Variants in ZEB1 observed in about 807,000 individuals in gnomAD.
ZEB1 encodes zinc finger E-box-binding homeobox 1.
ZEB1 carries 21 observed loss-of-function variants against 84.9 expected under a neutral mutation model. That is an observed-to-expected ratio of 0.25 (90% CI 0.18 to 0.36). The LOEUF is 0.36. Ranked by LOEUF, ZEB1 falls within the 10% of genes least tolerant of loss-of-function variation. The pLI, the probability that ZEB1 is intolerant of heterozygous loss-of-function variation, is 1.00. For missense variants in ZEB1, 1,104 were observed against 1,330.2 expected (o/e 0.83, Z 2.65); for synonymous variants, 420 against 471.1 (o/e 0.89, Z 1.41).
rs79540979 is a variant in ZEB1, at chr10:31,347,996, C to T, written c.58+28704C>T. Among the ~76,000 whole-genome samples, 846 of 152,310 alleles carry T rather than the reference C, an allele frequency of 5.6e-3. 12 individuals carry two copies. The highest frequency in any genetic ancestry group is 0.02 in the African/African-American group (811 of 41,556). On this transcript the variant is annotated intron_variant, in intron 1 of 8. Coordinates refer to ENST00000424869, the MANE Select transcript of ZEB1 (RefSeq NM_001174096.2). ...CTGGAAACATGTTCTTTAATCTTTG[C>T]TGTGCCACATACTAGTTGTAGATAT...
intron 1 of ZEB1, among the ~76,000 whole-genome samples, chr10:31,407,514 G>GT (rs1269737386): frequency 1.3e-5 from 2 of 151,762 alleles, no homozygotes; most frequent in Non-Finnish European, 2.9e-5. Flanking sequence ...ATTTGGGTTG[G>GT]TTCCAAGTCT....
intron 1 of ZEB1, among the ~76,000 whole-genome samples, chr10:31,326,370 A>G (rs1564467066): frequency 6.6e-6 from 1 of 152,158 alleles, no homozygotes; most frequent in Non-Finnish European, 1.5e-5. Flanking sequence ...TCCTATTGCT[A>G]CATCACTTTT....
chr10:31,440,967 A>G (rs910814705), intron 1 of ZEB1, among the ~76,000 whole-genome samples: 7 of 152,174 alleles, frequency 4.6e-5, no homozygotes, highest in African/African-American at 1.7e-4. Flanking sequence ...ATATCGTGAA[A>G]ATGGCCATAC....
chr10:31,342,583 C>T (rs565870878), intron 1 of ZEB1, among the ~76,000 whole-genome samples: 6 of 152,104 alleles, frequency 3.9e-5, no homozygotes, highest in Non-Finnish European at 7.4e-5. Flanking sequence ...TAAGGTTATA[C>T]TAGAAGTTTG....
At chr10:31,466,349 A>G (rs1258396758) in intron 2 of ZEB1, among the ~76,000 whole-genome samples, 1 of 152,236 alleles carries the variant, frequency 6.6e-6, no homozygotes, top group Non-Finnish European at 1.5e-5. Context: ...TCTCCAGGAC[A>G]GATTATTTGT....
rs765964382 is a variant in ZEB1, at chr10:31,526,780, A to G, written c.2894A>G (p.Lys965Arg). Residue 965 changes from lysine (K) to arginine (R), a missense_variant, in exon 9 of 9, where the codon AAA (lysine) becomes AGA (arginine). By Grantham distance (26) the Lys-to-Arg change is conservative. Coordinates refer to ENST00000424869, the MANE Select transcript of ZEB1 (RefSeq NM_001174096.2). ...HSGEKPYQCDKCGKRFSHSGS... is the reference protein window; with the variant it reads ...HSGEKPYQCDRCGKRFSHSGS... ...GGAGAAAAGCCCTATCAATGTGACA[A>G]ATGTGGAAAGCGCTTCTCACACTCT... 22 of 1,613,988 alleles carry G rather than the reference A, an allele frequency of 1.4e-5. No individual in the cohort carries two copies. Among genetic ancestry groups the G allele is most frequent in the Admixed American group, 5.0e-5 (3 of 59,990 alleles).
At chr10:31,446,922 A>C (rs1240234240) in intron 1 of ZEB1, among the ~76,000 whole-genome samples, 2 of 152,132 alleles carry the variant, frequency 1.3e-5, no homozygotes, top group Non-Finnish European at 2.9e-5. Flanking sequence ...GTAGATGTCT[A>C]TTAGGTCTGC....
chr10:31,503,424 TA>T (rs979044631), intron 4 of ZEB1, among the ~76,000 whole-genome samples: 4 of 152,142 alleles, frequency 2.6e-5, no homozygotes, highest in African/African-American at 9.6e-5. Flanking sequence ...TCCCTTTTTA[TA>T]ACCAAATAGT....
intron 1 of ZEB1, among the ~76,000 whole-genome samples, chr10:31,362,286 G>T (rs2043337793): frequency 6.6e-6 from 1 of 150,520 alleles, no homozygotes. Context: ...CCAGATAGTG[G>T]GCGGCTGGGC....
At chr10:31,424,295 A>G (rs950479105) in intron 1 of ZEB1, among the ~76,000 whole-genome samples, 9 of 152,020 alleles carry the variant, frequency 5.9e-5, no homozygotes, top group Non-Finnish European at 1.2e-4. Context: ...TGTTCCAGCT[A>G]GATCAACAAA....
At chr10:31,390,993 C>A (rs2049565355) in intron 1 of ZEB1, among the ~76,000 whole-genome samples, 1 of 152,146 alleles carries the variant, frequency 6.6e-6, no homozygotes, top group Non-Finnish European at 1.5e-5. Context: ...CATTGCACCA[C>A]CTCTCTCCAG....
chr10:31,475,383 T>A (rs963454775), intron 2 of ZEB1, among the ~76,000 whole-genome samples: 1 of 152,142 alleles, frequency 6.6e-6, no homozygotes, highest in Admixed American at 6.5e-5. Flanking sequence ...TTTGAGGGGA[T>A]AATTTAGGAA....
chr10:31,380,744 C>T (rs1299418275), intron 1 of ZEB1, among the ~76,000 whole-genome samples: 2 of 152,080 alleles, frequency 1.3e-5, no homozygotes, highest in African/African-American at 4.8e-5. Flanking sequence ...CTGTTAATAC[C>T]TAGTGTAACA....
chr10:31,459,324 G>A (rs752230561), intron 1 of ZEB1, among the ~76,000 whole-genome samples: 1 of 152,062 alleles, frequency 6.6e-6, no homozygotes, highest in Non-Finnish European at 1.5e-5. Context: ...TTTGTATATA[G>A]GTGATGCTGG....
chr10:31,479,298 T>C (rs1387293812), intron 2 of ZEB1, among the ~76,000 whole-genome samples: 1 of 151,942 alleles, frequency 6.6e-6, no homozygotes, highest in Non-Finnish European at 1.5e-5. Context: ...TTAATTGTAC[T>C]AATCATTTAA....
At chr10:31,321,649 C>G in intron 1 of ZEB1, 1 of 1,443,350 alleles carries the variant, frequency 6.9e-7, no homozygotes, top group Non-Finnish European at 9.8e-7. Flanking sequence ...TCTGAACCAC[C>G]CAGCGTCTGT....
At chr10:31,457,197 G>A (rs2061339268) in intron 1 of ZEB1, among the ~76,000 whole-genome samples, 2 of 152,094 alleles carry the variant, frequency 1.3e-5, no homozygotes, top group Non-Finnish European at 2.9e-5. Context: ...AAACAGTTCA[G>A]GGGTATAGAG....
chr10:31,429,224 A>G (rs993901821), intron 1 of ZEB1, among the ~76,000 whole-genome samples: 1 of 152,092 alleles, frequency 6.6e-6, no homozygotes, highest in East Asian at 1.9e-4. Flanking sequence ...TCCCTATTTA[A>G]TGTTTCCTTT....
At chr10:31,377,011 C>A (rs1027204000) in intron 1 of ZEB1, among the ~76,000 whole-genome samples, 1 of 150,272 alleles carries the variant, frequency 6.7e-6, no homozygotes, top group Admixed American at 6.6e-5. Context: ...AGCTTTGGGG[C>A]CTCTTTAGCT....
Sources: gnomAD v4.1 joint callset for allele counts (sites outside exome capture counted in the v4.1 genomes callset) on GRCh38, gnomAD v4.1.1 for gene constraint, MANE v1.5 for transcripts, NCBI Gene and HGNC (gene_info 2026-07-23, HGNC 2026-07-21) for gene names.